Variants in GPHN observed in about 807,000 individuals in gnomAD.
GPHN encodes gephyrin.
Under a neutral mutation model 95.5 loss-of-function variants are expected in GPHN, and 17 were observed. The observed-to-expected ratio is 0.18, with a 90% confidence interval of 0.12 to 0.27. The LOEUF (loss-of-function observed/expected upper bound fraction) is 0.27. GPHN is among the 10% of genes least tolerant of loss of function. The pLI is 1.00. For synonymous variants in GPHN, 320 were observed against 322.5 expected, an observed-to-expected ratio of 0.99 and a Z score of 0.08; for missense variants, 660 against 978.1, an observed-to-expected ratio of 0.67 and a Z score of 4.34.
the GPHN span, among the ~76,000 whole-genome samples, chr14:67,439,372 C>G: frequency 6.6e-6 from 1 of 152,154 alleles, no homozygotes; most frequent in Non-Finnish European, 1.5e-5. Context: ...GTGCAGTAGA[C>G]ACTTCTCTTC....
Position 66,921,351 on chromosome 14 carries a change from T to C in GPHN, c.457-1315T>C, listed in dbSNP as rs550061648. On this transcript the variant is annotated intron_variant, in intron 6 of 22. Coordinates refer to ENST00000478722, the MANE Select transcript of GPHN (RefSeq NM_020806.5). ...TTTGCATTTCCCTGATCATTAGTGA[T>C]GTTGAACATTTTTTCATATGTTTGT... 5.3e-5 allele frequency among the ~76,000 whole-genome samples: 8 copies of C among 152,358 alleles called. No individual in the cohort carries two copies. In the East Asian group the frequency reaches 1.5e-3, roughly 29 times the overall value.
intron 20 of GPHN, among the ~76,000 whole-genome samples, chr14:67,165,823 A>G (rs777180653): frequency 2.0e-5 from 3 of 152,236 alleles, no homozygotes; most frequent in Non-Finnish European, 4.4e-5. Context: ...AGAAACTCAC[A>G]TGTTCAGATT....
the GPHN span, among the ~76,000 whole-genome samples, chr14:67,670,225 C>T: frequency 6.6e-6 from 1 of 152,296 alleles, no homozygotes; most frequent in Admixed American, 6.5e-5. Flanking sequence ...AAAGAAAATC[C>T]ACATCAATCA....
chr14:67,103,204 G>C (rs2077822236), intron 13 of GPHN, among the ~76,000 whole-genome samples: 2 of 152,226 alleles, frequency 1.3e-5, no homozygotes, highest in South Asian at 4.2e-4. Flanking sequence ...TCTCTATTCT[G>C]ATCCATTGGT....
chr14:67,420,050 G>A, the GPHN span, among the ~76,000 whole-genome samples: 1 of 152,172 alleles, frequency 6.6e-6, no homozygotes, highest in Non-Finnish European at 1.5e-5. Context: ...GTTGGCTCTG[G>A]GAACCAGGAC....
the GPHN span, among the ~76,000 whole-genome samples, chr14:67,210,037 A>T: frequency 6.6e-6 from 1 of 152,162 alleles, no homozygotes; most frequent in East Asian, 1.9e-4. Context: ...TTAGGTGTCA[A>T]CAACACTCTT....
In GPHN at chr14:67,102,649, A is replaced by G. The variant is rs570653715; in HGVS notation, c.1293+1738A>G. Among the ~76,000 whole-genome samples, 4 of 152,260 alleles carry G rather than the reference A, an allele frequency of 2.6e-5. No homozygotes were observed. In the East Asian group the frequency reaches 7.7e-4, roughly 29 times the overall value. Reference sequence around the variant, plus strand: ...CACTCCAGCCTGGGCAACAAGAGCAAAACTCCGTCTCAAAAAAATAAAAAT... The same window carrying G: ...CACTCCAGCCTGGGCAACAAGAGCAGAACTCCGTCTCAAAAAAATAAAAAT... On this transcript the variant is annotated intron_variant, in intron 13 of 22. Coordinates refer to ENST00000478722, the MANE Select transcript of GPHN (RefSeq NM_020806.5).
At chr14:67,327,032 G>A in the GPHN span, among the ~76,000 whole-genome samples, 49 of 152,200 alleles carry the variant, frequency 3.2e-4, no homozygotes, top group African/African-American at 1.2e-3. Flanking sequence ...AAAGTTAGCC[G>A]GGTGTGGTGG....
At chr14:67,240,905 A>T in the GPHN span, among the ~76,000 whole-genome samples, 24,584 of 152,048 alleles carry the variant, frequency 0.16, 3,792 homozygotes, top group East Asian at 0.43. Context: ...GTCATTTTTT[A>T]AAAAAAACAA....
chr14:67,702,965 C>T, the GPHN span, among the ~76,000 whole-genome samples: 70 of 151,918 alleles, frequency 4.6e-4, no homozygotes, highest in African/African-American at 1.5e-3. Context: ...AGGTGCGTGC[C>T]GCCATGCCCA....
At chr14:67,579,736 G>T in the GPHN span, 1 of 1,612,724 alleles carries the variant, frequency 6.2e-7, no homozygotes, top group Non-Finnish European at 8.5e-7. Context: ...TGGTTTTGAC[G>T]GCTCTTCCAC....
chr14:67,475,047 C>T, the GPHN span, among the ~76,000 whole-genome samples: 1 of 151,676 alleles, frequency 6.6e-6, no homozygotes, highest in African/African-American at 2.4e-5. Context: ...TCCTGAGTAG[C>T]TGGGACTACA....
chr14:67,365,093 AGCTT>A, the GPHN span: 2 of 1,385,258 alleles, frequency 1.4e-6, no homozygotes, highest in Non-Finnish European at 1.9e-6. Context: ...TGCAAGCTGC[AGCTT>A]AAAAAAAAAA....
intron 21 of GPHN, among the ~76,000 whole-genome samples, chr14:67,170,329 T>A (rs2082526381): frequency 6.6e-6 from 1 of 152,112 alleles, no homozygotes; most frequent in South Asian, 2.1e-4. Flanking sequence ...AAACCATCCA[T>A]GAACAAAAAG....
intron 5 of GPHN, among the ~76,000 whole-genome samples, chr14:66,911,074 A>G (rs538686773): frequency 2.0e-5 from 3 of 152,186 alleles, no homozygotes; most frequent in South Asian, 4.1e-4. Flanking sequence ...TTAGATAAAC[A>G]TATGTGGAAA....
At chr14:66,624,039 C>T (rs942020407) in intron 1 of GPHN, among the ~76,000 whole-genome samples, 2 of 152,158 alleles carry the variant, frequency 1.3e-5, no homozygotes, top group African/African-American at 4.8e-5. Context: ...CTCCTCATGT[C>T]CTTATCGTCC....
chr14:67,285,934 G>C, the GPHN span, among the ~76,000 whole-genome samples: 1 of 152,072 alleles, frequency 6.6e-6, no homozygotes, highest in Non-Finnish European at 1.5e-5. Context: ...AAATGTAAGT[G>C]AATTTTCTTA....
intron 4 of GPHN, among the ~76,000 whole-genome samples, chr14:66,833,391 C>T (rs1321807431): frequency 2.0e-5 from 3 of 152,126 alleles, no homozygotes; most frequent in Non-Finnish European, 4.4e-5. Flanking sequence ...GTACCTCCCA[C>T]CAAGTCCCTC....
the GPHN span, among the ~76,000 whole-genome samples, chr14:67,461,190 A>G: frequency 6.6e-6 from 1 of 152,172 alleles, no homozygotes; most frequent in Non-Finnish European, 1.5e-5. Flanking sequence ...CTAATAGTTG[A>G]CATTGATTGG....
Sources: gnomAD v4.1 joint callset for allele counts (sites outside exome capture counted in the v4.1 genomes callset) on GRCh38, gnomAD v4.1.1 for gene constraint, MANE v1.5 for transcripts, NCBI Gene and HGNC (gene_info 2026-07-23, HGNC 2026-07-21) for gene names.